Variants in TASP1 observed in about 807,000 individuals in gnomAD.
TASP1 encodes threonine aspartase 1.
In TASP1, 16 loss-of-function variants were observed where a neutral mutation model predicts 56.6. The observed-to-expected ratio is 0.28, with a 90% CI of 0.19 to 0.43. TASP1 has a LOEUF of 0.43. TASP1 is among the 20% of genes least tolerant of loss of function. The pLI is 1.00. For synonymous variants in TASP1, 179 were observed against 184.2 expected, an observed-to-expected ratio of 0.97 and a Z score of 0.23; for missense variants, 393 against 511.6, an observed-to-expected ratio of 0.77 and a Z score of 2.24.
At chr20:13,229,418 G>T in the TASP1 span, among the ~76,000 whole-genome samples, 1 of 152,162 alleles carries the variant, frequency 6.6e-6, no homozygotes, top group African/African-American at 2.4e-5. Flanking sequence ...AAATGGAAAT[G>T]TACTTTTTGC....
At chr20:13,113,822 A>T in the TASP1 span, among the ~76,000 whole-genome samples, 1,507 of 152,352 alleles carry the variant, frequency 9.9e-3, 12 homozygotes, top group Non-Finnish European at 0.014. Flanking sequence ...ACAATAAGTC[A>T]TCTATGTTGC....
At chr20:13,184,028 C>CAAAAA in the TASP1 span, among the ~76,000 whole-genome samples, 2 of 61,554 alleles carry the variant, frequency 3.2e-5, no homozygotes, top group South Asian at 5.5e-4. Flanking sequence ...GACTCTGTCT[C>CAAAAA]AAAAAAAAAA....
intron 12 of TASP1, among the ~76,000 whole-genome samples, chr20:13,428,451 T>C (rs1323613135): frequency 2.6e-5 from 4 of 152,206 alleles, no homozygotes; most frequent in African/African-American, 9.7e-5. Flanking sequence ...AATAAAGCAC[T>C]TCTGTAGAGG....
the TASP1 span, among the ~76,000 whole-genome samples, chr20:13,307,498 C>T: frequency 6.6e-6 from 1 of 152,108 alleles, no homozygotes; most frequent in Non-Finnish European, 1.5e-5. Flanking sequence ...CTGAAGTGTA[C>T]ACTTTTTAAA....
the TASP1 span, among the ~76,000 whole-genome samples, chr20:13,357,562 C>CAAAAAAA: frequency 1.3e-5 from 2 of 152,234 alleles, no homozygotes; most frequent in East Asian, 3.9e-4. Context: ...AATGGAAGAT[C>CAAAAAAA]AATTACTCTG....
the TASP1 span, chr20:13,221,967 G>C: frequency 1.1e-3 from 1,462 of 1,296,922 alleles, 44 homozygotes; most frequent in Admixed American, 0.053. Flanking sequence ...GGTTTGTGGG[G>C]CGGGGGTGCT....
the TASP1 span, among the ~76,000 whole-genome samples, chr20:13,255,356 A>T: frequency 6.6e-6 from 1 of 152,246 alleles, no homozygotes; most frequent in Non-Finnish European, 1.5e-5. Flanking sequence ...ACCCCATTGT[A>T]CAGTTGAGTT....
chr20:13,174,571 C>T, the TASP1 span, among the ~76,000 whole-genome samples: 2,167 of 151,950 alleles, frequency 0.014, 25 homozygotes, highest in South Asian at 0.026. Flanking sequence ...TAGTGGCATG[C>T]GCCTCTAGTT....
chr20:13,355,706 T>C, the TASP1 span, among the ~76,000 whole-genome samples: 1 of 152,106 alleles, frequency 6.6e-6, no homozygotes, highest in Non-Finnish European at 1.5e-5. Context: ...GCCTTTGGAG[T>C]GCTCCATGGA....
At chr20:13,463,235 C>T (rs2044121883) in intron 11 of TASP1, among the ~76,000 whole-genome samples, 1 of 152,036 alleles carries the variant, frequency 6.6e-6, no homozygotes, top group Non-Finnish European at 1.5e-5. Context: ...AATGATTTTT[C>T]AAGACGGGTG....
chr20:13,582,392 TTATACA>T (rs2047159966), intron 5 of TASP1, among the ~76,000 whole-genome samples: 1 of 142,546 alleles, frequency 7.0e-6, no homozygotes, highest in Non-Finnish European at 1.5e-5. Flanking sequence ...AAGTTACAAC[TTATACA>T]TTTATAACAC....
the TASP1 span, among the ~76,000 whole-genome samples, chr20:13,146,182 A>C: frequency 1.3e-5 from 2 of 152,186 alleles, no homozygotes; most frequent in African/African-American, 4.8e-5. Context: ...GGAACATAAA[A>C]CCAAATACCA....
chr20:13,169,031 G>C, the TASP1 span: 1 of 151,964 alleles, frequency 6.6e-6, no homozygotes, highest in Non-Finnish European at 1.5e-5. Context: ...TGAAACATTT[G>C]AAACGACCAA....
chr20:13,107,597 G>GA, the TASP1 span, among the ~76,000 whole-genome samples: 8 of 151,772 alleles, frequency 5.3e-5, no homozygotes, highest in Admixed American at 1.3e-4. Context: ...GATAAAAAGA[G>GA]AAAAAAACAA....
intron 2 of TASP1, among the ~76,000 whole-genome samples, chr20:13,627,145 G>T (rs2048924072): frequency 6.6e-6 from 1 of 152,076 alleles, no homozygotes; most frequent in African/African-American, 2.4e-5. Flanking sequence ...GCGTTTAGTT[G>T]TTTGAATATT....
intron 12 of TASP1, among the ~76,000 whole-genome samples, chr20:13,424,770 G>C (rs2042563268): frequency 6.6e-6 from 1 of 152,098 alleles, no homozygotes; most frequent in African/African-American, 2.4e-5. Context: ...CCAGGGCTTT[G>C]TGGGACTTCT....
At chr20:13,606,604 G>T (rs1166203575) in intron 4 of TASP1, among the ~76,000 whole-genome samples, 1 of 151,930 alleles carries the variant, frequency 6.6e-6, no homozygotes, top group Admixed American at 6.6e-5. Context: ...TCAGGAGATC[G>T]AGACCATCCT....
intron 12 of TASP1, among the ~76,000 whole-genome samples, chr20:13,433,854 A>C (rs1049072453): frequency 5.3e-5 from 8 of 151,638 alleles, no homozygotes; most frequent in African/African-American, 7.3e-5. Flanking sequence ...AAAAAAAAAA[A>C]AAAAAACAGA....
At chr20:13,572,410 G>A (rs1490522431) in intron 6 of TASP1, among the ~76,000 whole-genome samples, 2 of 152,086 alleles carry the variant, frequency 1.3e-5, no homozygotes, top group Non-Finnish European at 1.5e-5. Flanking sequence ...TCAGCTGGAC[G>A]CAGTGGCTCA....
Sources: allele counts gnomAD v4.1 joint callset (sites outside exome capture counted in the v4.1 genomes callset), GRCh38; gene constraint gnomAD v4.1.1; transcripts MANE v1.5; gene names NCBI Gene and HGNC (gene_info 2026-07-23, HGNC 2026-07-21).